IL1RL1: variants seen among roughly 807,000 people sequenced by gnomAD.
IL1RL1 encodes interleukin 1 receptor like 1, also known as interleukin-1 receptor-like 1.
Under a neutral mutation model 50.9 loss-of-function variants are expected in IL1RL1, and 32 were observed. The observed-to-expected ratio is 0.63, with a 90% CI of 0.47 to 0.84. The LOEUF (loss-of-function observed/expected upper bound fraction) is 0.84, where lower values mean the gene tolerates loss of function less well. Among genes scored for constraint, IL1RL1 ranks in the 40% least tolerant of loss-of-function variants. The probability of loss-of-function intolerance (pLI) is 0.00; values close to 1 mark genes in which losing one functional copy is unlikely to be tolerated. For missense variants in IL1RL1, 773 were observed against 662.9 expected (o/e 1.17, Z -1.82); for synonymous variants, 275 against 236.0 (o/e 1.17, Z -1.51).
At chr2:102,341,880 T>C (rs1677579477) in intron 5 of IL1RL1, among the ~76,000 whole-genome samples, 1 of 152,202 alleles carries the variant, frequency 6.6e-6, no homozygotes, top group Non-Finnish European at 1.5e-5. Context: ...ATCTTCTCTG[T>C]AGTCTTATTC....
chr2:102,322,619 T>C (rs940284500), intron 1 of IL1RL1, among the ~76,000 whole-genome samples: 1 of 152,238 alleles, frequency 6.6e-6, no homozygotes, highest in Non-Finnish European at 1.5e-5. Flanking sequence ...TGAGAGAATA[T>C]GATTTTCTAC....
chr2:102,351,094 C>A (rs1677916165), intron 10 of IL1RL1, among the ~76,000 whole-genome samples: 1 of 152,098 alleles, frequency 6.6e-6, no homozygotes, highest in African/African-American at 2.4e-5. Flanking sequence ...AGACTTTGGA[C>A]AATTTTGAGG....
Position 102,330,296 on chromosome 2 carries a change from C to T in IL1RL1, c.-149-7820C>T, listed in dbSNP as rs184264350. On this transcript the variant is annotated intron_variant, in intron 1 of 10. Transcript: ENST00000233954. Reference sequence around the variant, plus strand: ...ATAGATGGGAATTGGACAATGAGAACACATGGACACAGGAAGGGGAACATC... The same window carrying T: ...ATAGATGGGAATTGGACAATGAGAATACATGGACACAGGAAGGGGAACATC... 1.3e-4 allele frequency among the ~76,000 whole-genome samples: 20 copies of T among 150,746 alleles called. No individual in the cohort carries two copies. In the East Asian group the frequency reaches 3.9e-3, roughly 30 times the overall value.
rs1677428989 is a variant in IL1RL1 at position 102,338,848 on chromosome 2, T to C, written c.73T>C (p.Trp25Arg). Residue 25 changes from tryptophan (W) to arginine (R), a missense_variant, in exon 3 of 11, where the codon TGG becomes CGG. Physicochemically the swap from Trp to Arg is moderately radical, Grantham distance 101. Coordinates refer to ENST00000233954, the MANE Select transcript of IL1RL1 (RefSeq NM_016232.5). Reference sequence around the variant, plus strand: ...TCTTTTATTTGCAGGTAAACAATCATGGGGCCTGGAAAATGAGGCTTTAAT... The same window carrying C: ...TCTTTTATTTGCAGGTAAACAATCACGGGGCCTGGAAAATGAGGCTTTAAT... Reference protein sequence around the residue: ...STAAKFSKQSWGLENEALIVR... With the variant: ...STAAKFSKQSRGLENEALIVR... 4 of 1,612,006 alleles carry C rather than the reference T, an allele frequency of 2.5e-6. No individual in the cohort carries two copies. Among genetic ancestry groups the C allele is most frequent in the African/African-American group, 2.7e-5 (2 of 74,968 alleles).
chr2:102,334,804 T>G (rs1459079260), intron 1 of IL1RL1, among the ~76,000 whole-genome samples: 3 of 152,240 alleles, frequency 2.0e-5, no homozygotes, highest in Non-Finnish European at 4.4e-5. Flanking sequence ...TGAAGAAGTC[T>G]TGAAAGATAC....
In IL1RL1 at chr2:102,351,746, C is replaced by G. The variant is rs757159715; in HGVS notation, c.1496C>G (p.Ser499Cys). Residue 499 changes from serine to cysteine, a missense_variant, in exon 11 of 11, where the codon TCC (serine) becomes TGC (cysteine). Transcript: ENST00000233954. ...CTGCAGGCTGAGGCGCTTCAGGACT[C>G]CCTCCAGCATCTTATGAAAGTACAG... is the stretch of plus-strand genomic sequence containing the variant. The part of the protein sequence containing the change: ...DMLQAEALQD[S>C]LQHLMKVQGT... 1.9e-6 allele frequency: 3 copies of G among 1,613,992 alleles called. No individual in the cohort carries two copies. Among genetic ancestry groups the G allele is most frequent in the Non-Finnish European group, 2.5e-6 (3 of 1,179,940 alleles).
intron 1 of IL1RL1, among the ~76,000 whole-genome samples, chr2:102,324,264 G>A (rs1001777861): frequency 5.3e-5 from 8 of 152,132 alleles, no homozygotes; most frequent in African/African-American, 1.9e-4. Flanking sequence ...ACTGTATCAT[G>A]TTACACTCCA....
intron 1 of IL1RL1, among the ~76,000 whole-genome samples, chr2:102,317,742 T>C (rs1676719250): frequency 6.6e-6 from 1 of 152,130 alleles, no homozygotes; most frequent in African/African-American, 2.4e-5. Flanking sequence ...ATTCAGTGTG[T>C]TGCAAGTTAT....
intron 1 of IL1RL1, among the ~76,000 whole-genome samples, chr2:102,323,942 G>A (rs901899377): frequency 6.6e-6 from 1 of 151,684 alleles, no homozygotes; most frequent in Admixed American, 6.6e-5. Flanking sequence ...ATATAAATGG[G>A]ACGATATAAT....
intron 1 of IL1RL1, among the ~76,000 whole-genome samples, chr2:102,326,900 T>C (rs1191308363): frequency 6.6e-6 from 1 of 152,098 alleles, no homozygotes; most frequent in East Asian, 1.9e-4. Flanking sequence ...CACACAATAA[T>C]AATGGGAGAC....
At chr2:102,331,898 T>C (rs1677188271) in intron 1 of IL1RL1, among the ~76,000 whole-genome samples, 1 of 151,808 alleles carries the variant, frequency 6.6e-6, no homozygotes, top group Admixed American at 6.6e-5. Flanking sequence ...TGAAACCCCA[T>C]CTCTACGAAA....
At chr2:102,335,195 A>G (rs1354445640) in intron 1 of IL1RL1, among the ~76,000 whole-genome samples, 1 of 152,204 alleles carries the variant, frequency 6.6e-6, no homozygotes, top group Non-Finnish European at 1.5e-5. Context: ...GTTTGTCTTA[A>G]GTTGCTATAA....
At position 102,338,903 on chromosome 2, in the gene IL1RL1, G is replaced by C. The variant is rs1460098691; in HGVS notation, c.128G>C (p.Ser43Thr). 6.2e-7 allele frequency: 1 copy of C among 1,613,828 alleles called. No individual in the cohort carries two copies. Among genetic ancestry groups the C allele is most frequent in the Non-Finnish European group, 8.5e-7 (1 of 1,179,774 alleles). Residue 43 changes from serine to threonine, a missense_variant, in exon 3 of 11, where the codon AGT becomes ACT. Coordinates refer to ENST00000233954, the MANE Select transcript of IL1RL1 (RefSeq NM_016232.5). ...AGATGTCCTAGACAAGGAAAACCTA[G>C]TTACACCGTGGATTGGTATTACTCA... Reference protein sequence around the residue: ...IVRCPRQGKPSYTVDWYYSQT... With the variant: ...IVRCPRQGKPTYTVDWYYSQT...
intron 8 of IL1RL1, 129 bp downstream of exon 8, chr2:102,343,544 TTCGGG>T: frequency 6.4e-7 from 1 of 1,571,988 alleles, no homozygotes; most frequent in Non-Finnish European, 8.6e-7. Flanking sequence ...GCTTCTCTTC[TTCGGG>T]ATGTTGTTTG....
At chr2:102,312,004 TATATATATTATATATA>T (rs1559592250) in intron 1 of IL1RL1, among the ~76,000 whole-genome samples, 1,720 of 33,998 alleles carry the variant, frequency 0.051, 269 homozygotes, top group African/African-American at 0.19. Context: ...ATAATATATT[TATATATATTATATATA>T]ATATATATTA....
intron 2 of IL1RL1, 59 bp from the exon 3 acceptor site, chr2:102,338,778 A>G: frequency 7.7e-7 from 1 of 1,303,248 alleles, no homozygotes; most frequent in Non-Finnish European, 1.1e-6. Context: ...TGAGAGTATA[A>G]GAATTATGAT....
Position 102,349,080 on chromosome 2 carries a change from T to A in IL1RL1, c.1119T>A (p.Asp373Glu). ...DIAKPYKTRNDGKLYDAYVVY... is the reference protein window; with the variant it reads ...DIAKPYKTRNEGKLYDAYVVY... The stretch of plus-strand genomic sequence containing the variant: ...TGTACTTCTTGTTTTCATTTTCAGA[T>A]GGAAAGCTCTATGATGCTTATGTTG... The change falls in exon 10 of 11, where the codon GAT (aspartate) becomes GAA (glutamate). Residue 373 changes from aspartate (D) to glutamate (E), a missense_variant and splice_region_variant. Transcript: ENST00000233954. 4.3e-6 allele frequency: 7 copies of A among 1,612,274 alleles called. No homozygotes were observed. The highest frequency in any genetic ancestry group is 5.9e-6 in the Non-Finnish European group (7 of 1,178,600).
intron 1 of IL1RL1, among the ~76,000 whole-genome samples, chr2:102,313,799 T>C (rs1047886992): frequency 1.3e-5 from 2 of 152,102 alleles, no homozygotes; most frequent in Non-Finnish European, 2.9e-5. Flanking sequence ...GATGCCAACA[T>C]TGTGGGAGCA....
intron 1 of IL1RL1, among the ~76,000 whole-genome samples, chr2:102,332,913 T>A (rs1032856297): frequency 6.6e-6 from 1 of 152,086 alleles, no homozygotes; most frequent in Non-Finnish European, 1.5e-5. Flanking sequence ...GAGTGCTCAC[T>A]TGGAGGAGGT....
Sources: gnomAD v4.1 joint callset for allele counts (sites outside exome capture counted in the v4.1 genomes callset) on GRCh38, gnomAD v4.1.1 for gene constraint, MANE v1.5 for transcripts, NCBI Gene and HGNC (gene_info 2026-07-23, HGNC 2026-07-21) for gene names.